The following COL23A1 variants were observed in gnomAD, a reference collection of about 807,000 sequenced individuals.
The protein encoded by COL23A1 is collagen alpha-1(XXIII) chain.
A neutral mutation model predicts 99.3 loss-of-function variants in COL23A1; 97 were observed. The ratio of observed to expected loss-of-function variants is 0.98; its 90% CI spans 0.83 to 1.16. The LOEUF (loss-of-function observed/expected upper bound fraction) is 1.16. COL23A1 is among the 50% of genes most tolerant of loss of function. The pLI, the probability that COL23A1 is intolerant of heterozygous loss-of-function variation, is 0.00. For synonymous variants in COL23A1, 320 were observed against 308.2 expected (o/e 1.04, Z -0.40); for missense variants, 762 against 757.4 (o/e 1.01, Z -0.07).
At chr5:178,577,009 G>A (rs1212469347) in intron 1 of COL23A1, among the ~76,000 whole-genome samples, 1 of 152,010 alleles carries the variant, frequency 6.6e-6, no homozygotes, top group Non-Finnish European at 1.5e-5. Flanking sequence ...GGCAGCGGCC[G>A]GCGCCTGTGT....
intron 2 of COL23A1, among the ~76,000 whole-genome samples, chr5:178,375,554 GC>G (rs1300392782): frequency 6.6e-6 from 1 of 152,204 alleles, no homozygotes; most frequent in Non-Finnish European, 1.5e-5. Context: ...GTCCCGCCCT[GC>G]CCCTCCGACA....
intron 2 of COL23A1, among the ~76,000 whole-genome samples, chr5:178,477,291 C>G (rs1757082863): frequency 6.6e-6 from 1 of 152,166 alleles, no homozygotes; most frequent in African/African-American, 2.4e-5. Context: ...GCAGGAGAAA[C>G]AGGGACTGGG....
At chr5:178,378,047 G>C (rs1455143393) in intron 2 of COL23A1, 3 of 152,230 alleles carry the variant, frequency 2.0e-5, no homozygotes, top group African/African-American at 7.2e-5. Flanking sequence ...AGTAAGTTTG[G>C]CATCAATATG....
intron 2 of COL23A1, among the ~76,000 whole-genome samples, chr5:178,332,030 T>C (rs1760056537): frequency 6.6e-6 from 1 of 152,146 alleles, no homozygotes; most frequent in African/African-American, 2.4e-5. Context: ...ACCTTCTCTC[T>C]GAGCTGGGCC....
chr5:178,416,413 G>A (rs1302187289), intron 2 of COL23A1, among the ~76,000 whole-genome samples: 1 of 152,200 alleles, frequency 6.6e-6, no homozygotes, highest in African/African-American at 2.4e-5. Context: ...GCCTGGATCA[G>A]CTTGGCCTTG....
At chr5:178,583,293 G>A (rs550051257) in intron 1 of COL23A1, among the ~76,000 whole-genome samples, 36 of 152,342 alleles carry the variant, frequency 2.4e-4, no homozygotes, top group Admixed American at 3.9e-4. Flanking sequence ...TGCCACTGAG[G>A]TGGAATTTCT....
In COL23A1 at chr5:178,309,711, C is replaced by T. The variant is rs34457818; in HGVS notation, c.362-2792G>A. Among the ~76,000 whole-genome samples, 91,145 of 146,720 alleles carry T rather than the reference C, an allele frequency of 0.62. 28,842 individuals carry two copies. The highest frequency in any genetic ancestry group is 0.72 in the Non-Finnish European group (47,994 of 67,002). Reference sequence around the variant, plus strand: ...AGCAGTCAAGCCAGAGACCCCCCCCCGGGCATCATCCTGCCCCAGCCCCCA... The same window carrying T: ...AGCAGTCAAGCCAGAGACCCCCCCCTGGGCATCATCCTGCCCCAGCCCCCA... On this transcript the variant is annotated intron_variant, in intron 2 of 28. Transcript: ENST00000390654. This position sits in a 1 kb window ranked among gnomAD's most constrained non-coding sequence, Gnocchi z 4.7.
intron 3 of COL23A1, among the ~76,000 whole-genome samples, chr5:178,302,163 A>ACAGCTTCAATGCTGCACCT (rs1758091766): frequency 1.3e-5 from 1 of 76,254 alleles, no homozygotes; most frequent in Non-Finnish European, 3.2e-5. Context: ...GCGCCGGAGC[A>ACAGCTTCAATGCTGCACCT]CAGCTTCAAT....
chr5:178,307,709 G>A lies in COL23A1; in HGVS notation c.362-790C>T, dbSNP rs552068137. Reference sequence around the variant, plus strand: ...CTCTCCCTCCCCTCACCTCTGTGGCGCTCACTGCCATCCTTCCTGGCGCCC... The same window carrying A: ...CTCTCCCTCCCCTCACCTCTGTGGCACTCACTGCCATCCTTCCTGGCGCCC... On this transcript the variant is annotated intron_variant, in intron 2 of 28. Coordinates refer to ENST00000390654, the MANE Select transcript of COL23A1 (RefSeq NM_173465.4). This position sits in a 1 kb window ranked among gnomAD's most constrained non-coding sequence, Gnocchi z 4.2. Among the ~76,000 whole-genome samples the A allele has an allele frequency of 2.6e-5, 4 of 152,334 alleles. No homozygotes were observed. The highest frequency in any genetic ancestry group is 2.1e-4 in the South Asian group (1 of 4,826).
intron 2 of COL23A1, among the ~76,000 whole-genome samples, chr5:178,360,997 A>G (rs969033568): frequency 4.6e-5 from 7 of 152,196 alleles, no homozygotes; most frequent in Non-Finnish European, 1.0e-4. Context: ...GGCTGGACTG[A>G]ACACGTCTCA....
At chr5:178,471,170 G>A (rs533089009) in intron 2 of COL23A1, among the ~76,000 whole-genome samples, 32 of 152,332 alleles carry the variant, frequency 2.1e-4, no homozygotes, top group Admixed American at 1.3e-4. Flanking sequence ...CTGTGCACAA[G>A]GGACAGTGCA....
At chr5:178,328,432 C>A (rs930054) in intron 2 of COL23A1, among the ~76,000 whole-genome samples, 67,796 of 152,098 alleles carry the variant, frequency 0.45, 15,869 homozygotes, top group Middle Eastern at 0.66. Flanking sequence ...GCAGAGCAGC[C>A]TGGTAAAGAG....
chr5:178,342,336 T>C (rs78933563), intron 2 of COL23A1, among the ~76,000 whole-genome samples: 106 of 152,312 alleles, frequency 7.0e-4, no homozygotes, highest in African/African-American at 2.5e-3. Flanking sequence ...GCATCCTTTT[T>C]CTCAGGCCAC....
At chr5:178,540,242 T>C (rs914879119) in intron 2 of COL23A1, among the ~76,000 whole-genome samples, 36 of 152,310 alleles carry the variant, frequency 2.4e-4, no homozygotes, top group African/African-American at 8.4e-4. Context: ...TAATTATTTA[T>C]AGATGGTATG....
intron 1 of COL23A1, among the ~76,000 whole-genome samples, chr5:178,573,560 G>A (rs1763210617): frequency 6.6e-6 from 1 of 152,172 alleles, no homozygotes; most frequent in South Asian, 2.1e-4. Flanking sequence ...GTTTTGAAAG[G>A]GTTGGTCTAC....
chr5:178,376,697 G>T (rs1763088880), intron 2 of COL23A1, among the ~76,000 whole-genome samples: 1 of 152,254 alleles, frequency 6.6e-6, no homozygotes, highest in Non-Finnish European at 1.5e-5. Flanking sequence ...ACAGCTAGGA[G>T]ACAGTGGAAC....
chr5:178,343,663 A>ATTTTT (rs745537028), intron 2 of COL23A1, among the ~76,000 whole-genome samples: 6 of 134,372 alleles, frequency 4.5e-5, no homozygotes, highest in Middle Eastern at 3.9e-3. Context: ...ATATATATAT[A>ATTTTT]TTTTTTTTTT....
intron 1 of COL23A1, among the ~76,000 whole-genome samples, chr5:178,566,487 C>T (rs79734905): frequency 0.016 from 2,484 of 152,238 alleles, 62 homozygotes; most frequent in African/African-American, 0.056. Context: ...GTGTAGCTCA[C>T]CTAAGTAACG....
intron 2 of COL23A1, among the ~76,000 whole-genome samples, chr5:178,480,994 A>C (rs1270860663): frequency 6.6e-6 from 1 of 151,982 alleles, no homozygotes; most frequent in Non-Finnish European, 1.5e-5. Context: ...AAAAATACAA[A>C]AAAATTAGCT....
Sources: allele counts gnomAD v4.1 joint callset (sites outside exome capture counted in the v4.1 genomes callset), GRCh38; gene constraint gnomAD v4.1.1; non-coding constraint Gnocchi (gnomAD v3.1); transcripts MANE v1.5; gene names NCBI Gene and HGNC (gene_info 2026-07-23, HGNC 2026-07-21).